The following RBFOX1 variants were observed in gnomAD, a reference collection of about 807,000 sequenced individuals.
The protein encoded by RBFOX1 is RNA binding fox-1 homolog 1.
Under a neutral mutation model 57.7 loss-of-function variants are expected in RBFOX1, and 8 were observed. The ratio of observed to expected loss-of-function variants is 0.14; its 90% CI spans 0.08 to 0.25. The LOEUF is 0.25. RBFOX1 is among the 10% of genes least tolerant of loss of function. RBFOX1 has a pLI of 1.00. For missense variants in RBFOX1, 611 were observed against 548.5 expected, an observed-to-expected ratio of 1.11 and a Z score of -1.14; for synonymous variants, 326 against 222.4, an observed-to-expected ratio of 1.47 and a Z score of -4.15.
intron 3 of RBFOX1, among the ~76,000 whole-genome samples, chr16:6,896,928 A>G (rs1708466939): frequency 6.6e-6 from 1 of 152,158 alleles, no homozygotes; most frequent in African/African-American, 2.4e-5. Context: ...GGTGAAAGAA[A>G]GCAAAGAAAC....
chr16:6,823,126 G>C (rs903260109), intron 3 of RBFOX1, among the ~76,000 whole-genome samples: 2 of 152,158 alleles, frequency 1.3e-5, no homozygotes, highest in African/African-American at 4.8e-5. Flanking sequence ...ATTTTATGAA[G>C]CCTGTATTTG....
chr16:6,699,868 C>G (rs1321278718), intron 3 of RBFOX1, among the ~76,000 whole-genome samples: 1 of 152,124 alleles, frequency 6.6e-6, no homozygotes, highest in East Asian at 1.9e-4. Flanking sequence ...CTAAGGATAG[C>G]TATTCTGCCA....
chr16:6,270,907 A>C (rs1364301808), intron 1 of RBFOX1, among the ~76,000 whole-genome samples: 1 of 152,214 alleles, frequency 6.6e-6, no homozygotes, highest in Admixed American at 6.5e-5. Context: ...AGAATCTGCA[A>C]ACATTTGGCC....
At chr16:5,815,836 G>T (rs1040605056) in intron 3 of RBFOX1, among the ~76,000 whole-genome samples, 1 of 152,218 alleles carries the variant, frequency 6.6e-6, no homozygotes, top group African/African-American at 2.4e-5. Context: ...AATGGCTGCT[G>T]GTTCACTAAT....
chr16:6,278,984 C>T (rs2076110048), intron 1 of RBFOX1, among the ~76,000 whole-genome samples: 1 of 151,840 alleles, frequency 6.6e-6, no homozygotes, highest in African/African-American at 2.4e-5. Context: ...TTTTCCATTC[C>T]TTTGGTCTAA....
chr16:6,816,311 T>G (rs2090054809), intron 3 of RBFOX1, among the ~76,000 whole-genome samples: 1 of 152,252 alleles, frequency 6.6e-6, no homozygotes, highest in African/African-American at 2.4e-5. Context: ...CTTGTTGCAA[T>G]CAATCATTCA....
chr16:6,288,504 T>A (rs796925701), intron 1 of RBFOX1, among the ~76,000 whole-genome samples: 14 of 152,300 alleles, frequency 9.2e-5, no homozygotes, highest in African/African-American at 3.4e-4. Flanking sequence ...TGTACATACA[T>A]GATTTTGTGA....
intron 4 of RBFOX1, among the ~76,000 whole-genome samples, chr16:7,297,477 A>G (rs1210109597): frequency 2.6e-5 from 4 of 152,176 alleles, no homozygotes; most frequent in Admixed American, 2.0e-4. Context: ...GTAAACGGAT[A>G]AGAGATTCTG....
chr16:6,305,592 T>A (rs2079405830), intron 1 of RBFOX1, among the ~76,000 whole-genome samples: 1 of 151,644 alleles, frequency 6.6e-6, no homozygotes, highest in Non-Finnish European at 1.5e-5. Context: ...TTGGGAGGAC[T>A]TCAATATGAC....
Position 7,368,083 on chromosome 16 carries a change from G to C in RBFOX1, c.28-150064G>C, listed in dbSNP as rs191537729. Among the ~76,000 whole-genome samples, 4 of 152,080 alleles carry C rather than the reference G, an allele frequency of 2.6e-5. No homozygotes were observed. The East Asian group carries it at 7.8e-4, about 30-fold the overall frequency. ...GGGGTTTGAGACCAGCCTGGCCAACGTAATGAAACCCCATCTTTACTAAAA... is the reference window on the plus strand; with the variant it reads ...GGGGTTTGAGACCAGCCTGGCCAACCTAATGAAACCCCATCTTTACTAAAA... On this transcript the variant is annotated intron_variant, in intron 4 of 15. Transcript: ENST00000550418.
chr16:7,574,676 A>C (rs533371723), intron 5 of RBFOX1, among the ~76,000 whole-genome samples: 1 of 152,060 alleles, frequency 6.6e-6, no homozygotes, highest in Non-Finnish European at 1.5e-5. Flanking sequence ...ACCCAGATTG[A>C]GGGTGGGTTG....
chr16:6,407,925 T>C (rs760612203), intron 2 of RBFOX1, among the ~76,000 whole-genome samples: 2 of 152,202 alleles, frequency 1.3e-5, no homozygotes, highest in African/African-American at 2.4e-5. Flanking sequence ...AGCCTGATTC[T>C]CAGCACAATA....
chr16:5,428,105 GGTGTGTGTGTGTGTGTCTGTGTGT>G (rs1440909558), intron 1 of RBFOX1, among the ~76,000 whole-genome samples: 9 of 137,972 alleles, frequency 6.5e-5, no homozygotes, highest in African/African-American at 1.3e-4. Flanking sequence ...GCTCTGGAAG[GGTGTGTGTGTGTGTGTCTGTGTGT>G]GTGTGTGTGT....
At chr16:6,010,107 C>A (rs11864434) in intron 4 of RBFOX1, among the ~76,000 whole-genome samples, 16,203 of 152,078 alleles carry the variant, frequency 0.11, 2,147 homozygotes, top group African/African-American at 0.32. Flanking sequence ...ATTAAGAATA[C>A]TGAGGGTGCT....
At chr16:6,839,998 AAAT>A (rs1250011321) in intron 3 of RBFOX1, among the ~76,000 whole-genome samples, 1 of 152,208 alleles carries the variant, frequency 6.6e-6, no homozygotes, top group African/African-American at 2.4e-5. Flanking sequence ...GGTATAAACA[AAAT>A]AATATCTGTA....
At chr16:5,585,569 G>C (rs1310887811) in intron 2 of RBFOX1, among the ~76,000 whole-genome samples, 2 of 152,230 alleles carry the variant, frequency 1.3e-5, no homozygotes, top group African/African-American at 4.8e-5. Flanking sequence ...GGAGAGTGCA[G>C]CTAGGTGTGT....
intron 1 of RBFOX1, among the ~76,000 whole-genome samples, chr16:6,046,501 G>A (rs1321048764): frequency 6.6e-6 from 1 of 152,164 alleles, no homozygotes; most frequent in Non-Finnish European, 1.5e-5. Flanking sequence ...AGAGCTTAGG[G>A]AAGAATTCAG....
Position 5,384,843 on chromosome 16 carries a change from A to G in RBFOX1, c.220-82373A>G, listed in dbSNP as rs552158179. On this transcript the variant is annotated intron_variant, in intron 1 of 2. Coordinates refer to the RBFOX1 transcript ENST00000585867. ...ATGTGCCTCATGTATAAATGTGCAT[A>G]TTCATCGTAGTGATTCCTACCTCAT... Among the ~76,000 whole-genome samples the G allele has an allele frequency of 1.2e-3, 178 of 152,290 alleles. 2 individuals are homozygous for G. The highest frequency in any genetic ancestry group is 4.0e-3 in the African/African-American group (167 of 41,566).
chr16:7,287,525 C>A (rs943325025), intron 4 of RBFOX1, among the ~76,000 whole-genome samples: 1 of 152,192 alleles, frequency 6.6e-6, no homozygotes, highest in African/African-American at 2.4e-5. Context: ...AGGCTCTGAC[C>A]TGGGGTATAA....
Sources: allele counts gnomAD v4.1 joint callset (sites outside exome capture counted in the v4.1 genomes callset), GRCh38; gene constraint gnomAD v4.1.1; transcripts MANE v1.5; gene names NCBI Gene and HGNC (gene_info 2026-07-23, HGNC 2026-07-21).